PDE3A: variants seen among roughly 807,000 people sequenced by gnomAD.
PDE3A encodes phosphodiesterase 3A, also known as cGMP-inhibited 3',5'-cyclic phosphodiesterase 3A.
Under a neutral mutation model 98.3 loss-of-function variants are expected in PDE3A, and 43 were observed. That is an observed-to-expected ratio of 0.44 (90% confidence interval 0.34 to 0.56). The LOEUF (loss-of-function observed/expected upper bound fraction) is 0.56, where lower values mean the gene tolerates loss of function less well. Among genes scored for constraint, PDE3A ranks in the 20% least tolerant of loss-of-function variants. PDE3A has a pLI of 0.01. For synonymous variants in PDE3A, 663 were observed against 567.9 expected, an observed-to-expected ratio of 1.17 and a Z score of -2.38; for missense variants, 1,427 against 1,440.7, an observed-to-expected ratio of 0.99 and a Z score of 0.15.
At chr12:20,433,659 G>T (rs1944733985) in intron 1 of PDE3A, among the ~76,000 whole-genome samples, 1 of 152,046 alleles carries the variant, frequency 6.6e-6, no homozygotes, top group African/African-American at 2.4e-5. Flanking sequence ...TTTAAGAACA[G>T]CATACGTTTT....
At chr12:20,676,586 G>A (rs10841593) in intron 15 of PDE3A, among the ~76,000 whole-genome samples, 76,885 of 147,658 alleles carry the variant, frequency 0.52, 20,719 homozygotes, top group East Asian at 0.73. Context: ...TGCAAGCTCC[G>A]CCTCCTGGGT....
chr12:20,607,808 G>T (rs1319179085), intron 2 of PDE3A, among the ~76,000 whole-genome samples: 1 of 152,024 alleles, frequency 6.6e-6, no homozygotes, highest in Non-Finnish European at 1.5e-5. Flanking sequence ...GTACTGCACT[G>T]AAAGATGGTT....
chr12:20,517,756 T>C (rs1211349690), intron 1 of PDE3A, among the ~76,000 whole-genome samples: 2 of 152,214 alleles, frequency 1.3e-5, no homozygotes, highest in African/African-American at 2.4e-5. Context: ...GGAAATGTCA[T>C]GTGGGGCCAT....
In PDE3A at chr12:20,467,762, C is replaced by A. The variant is rs552517187; in HGVS notation, c.961-88898C>A. On this transcript the variant is annotated intron_variant, in intron 1 of 15. Coordinates refer to ENST00000359062, the MANE Select transcript of PDE3A (RefSeq NM_000921.5). ...CCATCCTGGCTAACATGGTGAAACC[C>A]CATCTCTACTAAAAATACAAAAAGT... Among the ~76,000 whole-genome samples, 8 of 151,234 alleles carry A rather than the reference C, an allele frequency of 5.3e-5. No individual in the cohort carries two copies. In the South Asian group the frequency reaches 1.5e-3, roughly 28 times the overall value.
chr12:20,409,217 A>G (rs1944290252), intron 1 of PDE3A, among the ~76,000 whole-genome samples: 1 of 152,168 alleles, frequency 6.6e-6, no homozygotes, highest in Non-Finnish European at 1.5e-5. Flanking sequence ...CATTCTTAAT[A>G]GTTGTTATAT....
chr12:20,527,119 A>G (rs1946538634), intron 1 of PDE3A, among the ~76,000 whole-genome samples: 1 of 151,962 alleles, frequency 6.6e-6, no homozygotes, highest in African/African-American at 2.4e-5. Context: ...GGGTTTCACC[A>G]TGTTGGCCAG....
Position 20,369,444 on chromosome 12 carries a change from C to T in PDE3A, c.160C>T (p.Pro54Ser). Residue 54 changes from proline to serine, a missense_variant, in exon 1 of 16, where the codon CCG becomes TCG. Around this residue, in one of 3 missense-constraint regions of PDE3A, gnomAD observed 1,012 missense variants for 886.5 expected, o/e 1.14. Coordinates refer to ENST00000359062, the MANE Select transcript of PDE3A (RefSeq NM_000921.5). ...RGCWGDLVLQ[P>S]LRSSRKLSSA... ...CTGCTGGGGAGACCTGGTGCTGCAG[C>T]CGCTCCGGAGCTCTCGGAAACTTTC... The T allele has an allele frequency of 6.4e-7, 1 of 1,555,520 alleles. No individual in the cohort carries two copies. Among genetic ancestry groups the T allele is most frequent in the Non-Finnish European group, 8.7e-7 (1 of 1,150,468 alleles).
chr12:20,405,235 T>C (rs1944211724), intron 1 of PDE3A, among the ~76,000 whole-genome samples: 1 of 152,168 alleles, frequency 6.6e-6, no homozygotes, highest in Non-Finnish European at 1.5e-5. Flanking sequence ...TATGGGTGTC[T>C]ACCTCCAGGG....
At chr12:20,591,161 C>T (rs1311167061) in intron 2 of PDE3A, among the ~76,000 whole-genome samples, 1 of 152,206 alleles carries the variant, frequency 6.6e-6, no homozygotes, top group African/African-American at 2.4e-5. Context: ...ACCTAGGTCT[C>T]TTTTGTGTCT....
Position 20,387,379 on chromosome 12 carries a change from C to T in PDE3A, c.960+17135C>T, listed in dbSNP as rs1015418200. ...TTACTTTGGGCAGTATGGCCAGTTT[C>T]ACAATATTGATTCTCCCTATCTATG... On this transcript the variant is annotated intron_variant, in intron 1 of 15. Transcript: ENST00000359062. Among the ~76,000 whole-genome samples the T allele has an allele frequency of 2.0e-4, 31 of 152,128 alleles. 1 individual carries two copies. Among genetic ancestry groups the T allele is most frequent in the Admixed American group, 1.8e-3 (27 of 15,248 alleles).
intron 2 of PDE3A, among the ~76,000 whole-genome samples, chr12:20,608,745 A>C (rs952162064): frequency 3.9e-5 from 6 of 152,026 alleles, no homozygotes; most frequent in African/African-American, 1.4e-4. Context: ...CTTCCCAATA[A>C]TTTATTTAAA....
At chr12:20,383,879 T>C (rs1202617164) in intron 1 of PDE3A, among the ~76,000 whole-genome samples, 1 of 151,980 alleles carries the variant, frequency 6.6e-6, no homozygotes, top group Non-Finnish European at 1.5e-5. Flanking sequence ...ACCAGCCTTA[T>C]GTTGAATAGG....
Position 20,637,157 on chromosome 12 carries a change from G to A in PDE3A, c.2059G>A (p.Glu687Lys). 1.9e-6 allele frequency: 3 copies of A among 1,610,104 alleles called. No homozygotes were observed. The South Asian group carries it at 3.3e-5, about 18-fold the overall frequency. The change falls in exon 9 of 16, where the codon GAG becomes AAG. Residue 687 changes from glutamate (E) to lysine (K), a missense_variant. Physicochemically the swap from Glu to Lys is moderately conservative, Grantham distance 56. This residue lies in a region of PDE3A where 1,012 missense variants were observed against 886.5 expected (regional missense o/e 1.14). Transcript: ENST00000359062. ...LVMDNLDSIM[E>K]QLNTWNFPIF... is the part of the protein sequence containing the mutation. Reference sequence around the variant, plus strand: ...CATGGATAACCTGGACTCAATTATGGAGCAGCTAAATACTTGGAATTTTCC... The same window carrying A: ...CATGGATAACCTGGACTCAATTATGAAGCAGCTAAATACTTGGAATTTTCC...
At chr12:20,467,632 A>G (rs1945361077) in intron 1 of PDE3A, among the ~76,000 whole-genome samples, 1 of 152,068 alleles carries the variant, frequency 6.6e-6, no homozygotes, top group Non-Finnish European at 1.5e-5. Context: ...TGAAGTATTT[A>G]GACAGTAAAG....
chr12:20,394,397 G>A (rs1943969709), intron 1 of PDE3A, among the ~76,000 whole-genome samples: 1 of 152,028 alleles, frequency 6.6e-6, no homozygotes, highest in South Asian at 2.1e-4. Flanking sequence ...CTGCCTTAGA[G>A]ATGGTATATA....
intron 1 of PDE3A, among the ~76,000 whole-genome samples, chr12:20,395,027 G>T (rs1943983191): frequency 6.6e-6 from 1 of 152,038 alleles, no homozygotes; most frequent in African/African-American, 2.4e-5. Context: ...AATAGAAATT[G>T]AATTTTTCCT....
intron 1 of PDE3A, among the ~76,000 whole-genome samples, chr12:20,442,299 G>A (rs1944882971): frequency 6.6e-6 from 1 of 152,178 alleles, no homozygotes; most frequent in Admixed American, 6.6e-5. Flanking sequence ...CTATCTTGCA[G>A]TAACAACAAC....
At chr12:20,568,907 A>T (rs2121304910) in intron 2 of PDE3A, among the ~76,000 whole-genome samples, 1 of 152,158 alleles carries the variant, frequency 6.6e-6, no homozygotes, top group East Asian at 1.9e-4. Flanking sequence ...CAAAGAGACA[A>T]GCAAAATTGG....
At chr12:20,668,040 C>T (rs534353174) in intron 15 of PDE3A, among the ~76,000 whole-genome samples, 222 of 152,234 alleles carry the variant, frequency 1.5e-3, no homozygotes, top group African/African-American at 4.9e-3. Context: ...ACTTGGGAAA[C>T]GCAAGGGGTC....
Sources: allele counts gnomAD v4.1 joint callset (sites outside exome capture counted in the v4.1 genomes callset), GRCh38; gene constraint gnomAD v4.1.1; regional missense constraint gnomAD v4.1.1; transcripts MANE v1.5; gene names NCBI Gene and HGNC (gene_info 2026-07-23, HGNC 2026-07-21).